CHD9: variants seen among roughly 807,000 people sequenced by gnomAD.
CHD9 encodes the protein chromodomain helicase DNA binding protein 9.
A neutral mutation model predicts 316.1 loss-of-function variants in CHD9; 77 were observed. That is an observed-to-expected ratio of 0.24 (90% CI 0.20 to 0.29). The LOEUF is 0.29. Ranked by LOEUF, CHD9 falls within the 10% of genes least tolerant of loss-of-function variation. The probability of loss-of-function intolerance (pLI) is 1.00; values close to 1 mark genes in which losing one functional copy is unlikely to be tolerated. For missense variants in CHD9, 2,763 were observed against 3,438.1 expected, an observed-to-expected ratio of 0.80 and a Z score of 4.91; for synonymous variants, 1,129 against 1,158.3, an observed-to-expected ratio of 0.97 and a Z score of 0.51.
intron 1 of CHD9, among the ~76,000 whole-genome samples, chr16:53,110,411 A>T (rs140674095): frequency 7.8e-4 from 119 of 152,312 alleles, no homozygotes; most frequent in African/African-American, 2.8e-3. Flanking sequence ...AGCCTGGGCA[A>T]CATAGTGAGA....
chr16:53,315,129 T>G, intron 36 of CHD9, 85 bp downstream of exon 36: 1 of 932,184 alleles, frequency 1.1e-6, no homozygotes, highest in Non-Finnish European at 1.6e-6. Context: ...TCTCATCCAC[T>G]TATGCTAAAT....
chr16:53,201,550 T>C (rs2045456702), intron 2 of CHD9, among the ~76,000 whole-genome samples: 1 of 152,328 alleles, frequency 6.6e-6, no homozygotes, highest in Admixed American at 6.5e-5. Context: ...TTGCTTATCA[T>C]TCTCCCACAG....
chr16:53,319,457 C>T (rs1007312932), intron 37 of CHD9, among the ~76,000 whole-genome samples: 16 of 151,876 alleles, frequency 1.1e-4, no homozygotes, highest in African/African-American at 3.1e-4. Flanking sequence ...TTAATTTTTC[C>T]CACAATTTTG....
chr16:53,188,646 G>C (rs116348789), intron 2 of CHD9, among the ~76,000 whole-genome samples: 3 of 131,148 alleles, frequency 2.3e-5, no homozygotes, highest in Admixed American at 8.7e-5. Flanking sequence ...GGAAGCTGGC[G>C]TGCAGTGGTA....
intron 2 of CHD9, among the ~76,000 whole-genome samples, chr16:53,164,106 A>G (rs1320973475): frequency 6.6e-6 from 1 of 152,218 alleles, no homozygotes; most frequent in Non-Finnish European, 1.5e-5. Flanking sequence ...ATACATTGTA[A>G]TATTTAACAA....
rs758182260 is a variant in CHD9 at position 53,156,984 on chromosome 16, A to G, written c.895A>G (p.Asn299Asp). The change falls in exon 2 of 39, where the codon AAT becomes GAT. Residue 299 changes from asparagine (N) to aspartate (D), a missense_variant. Coordinates refer to ENST00000447540, the MANE Select transcript of CHD9 (RefSeq NM_001308319.2). Reference sequence around the variant, plus strand: ...TGCAGTTCTTGCATCTAATCATACAAATCAGACTTTATCTGATTTTACTGG... The same window carrying G: ...TGCAGTTCTTGCATCTAATCATACAGATCAGACTTTATCTGATTTTACTGG... The part of the protein sequence containing the change: ...SSAVLASNHT[N>D]QTLSDFTGSN... 4.0e-5 allele frequency: 64 copies of G among 1,612,770 alleles called. No homozygotes were observed. The highest frequency in any genetic ancestry group is 4.8e-5 in the Non-Finnish European group (57 of 1,179,388).
intron 1 of CHD9, among the ~76,000 whole-genome samples, chr16:53,145,541 T>C (rs1160532691): frequency 6.6e-6 from 1 of 151,742 alleles, no homozygotes; most frequent in Non-Finnish European, 1.5e-5. Flanking sequence ...ACCCTGTCTC[T>C]ACTAAAAATA....
chr16:53,159,923 G>A (rs1046817155), intron 2 of CHD9, among the ~76,000 whole-genome samples: 3 of 152,130 alleles, frequency 2.0e-5, no homozygotes, highest in African/African-American at 4.8e-5. Context: ...GGCCACTTTA[G>A]TTCTATTTCA....
At chr16:53,314,538 A>C in intron 35 of CHD9, 22 bp downstream of exon 35, 2 of 1,521,634 alleles carry the variant, frequency 1.3e-6, no homozygotes, top group Non-Finnish European at 1.8e-6. Flanking sequence ...AGTACTTAAA[A>C]ACTGATCCTT....
At chr16:53,088,776 T>TA (rs1245922800) in intron 1 of CHD9, among the ~76,000 whole-genome samples, 4 of 151,952 alleles carry the variant, frequency 2.6e-5, no homozygotes, top group Non-Finnish European at 5.9e-5. Flanking sequence ...GGCCAGGAGT[T>TA]AGAGACCAGC....
intron 1 of CHD9, among the ~76,000 whole-genome samples, chr16:53,110,157 G>C (rs1178977316): frequency 6.6e-6 from 1 of 152,146 alleles, no homozygotes; most frequent in East Asian, 1.9e-4. Context: ...GGTCCCGGTA[G>C]GCATTTGAGT....
intron 2 of CHD9, among the ~76,000 whole-genome samples, chr16:53,197,544 C>T (rs2045033742): frequency 6.6e-6 from 1 of 151,490 alleles, no homozygotes; most frequent in East Asian, 1.9e-4. Context: ...AACCTTATTG[C>T]ATGTTCTTGA....
chr16:53,073,700 G>A (rs1449196685), intron 1 of CHD9, among the ~76,000 whole-genome samples: 1 of 152,182 alleles, frequency 6.6e-6, no homozygotes, highest in African/African-American at 2.4e-5. Flanking sequence ...TTTATCAGGG[G>A]TTTTTGCTTT....
intron 30 of CHD9, chr16:53,299,049 G>C (rs1174393168): frequency 4.3e-4 from 79 of 183,038 alleles, no homozygotes; most frequent in Non-Finnish European, 1.2e-5. Flanking sequence ...TCAGCACCTG[G>C]AACCAGGTGG....
At chr16:53,281,626 C>A (rs1319502928) in intron 24 of CHD9, among the ~76,000 whole-genome samples, 2 of 152,170 alleles carry the variant, frequency 1.3e-5, no homozygotes, top group Non-Finnish European at 2.9e-5. Context: ...AATTCAAATT[C>A]CATATGACCT....
intron 22 of CHD9, among the ~76,000 whole-genome samples, chr16:53,271,676 A>G (rs144618933): frequency 0.017 from 2,613 of 152,268 alleles, 137 homozygotes; most frequent in Admixed American, 0.11. Context: ...TATCATTAAT[A>G]TCTTCAAAGA....
chr16:53,213,076 A>G lies in CHD9; in HGVS notation c.1784+3263A>G, dbSNP rs191116891. 4.7e-4 allele frequency among the ~76,000 whole-genome samples: 71 copies of G among 152,350 alleles called. 1 individual carries two copies. Among genetic ancestry groups the G allele is most frequent in the Admixed American group, 3.9e-3 (59 of 15,310 alleles). On this transcript the variant is annotated intron_variant, in intron 3 of 38. Transcript: ENST00000447540. ...CATTAAGGCTCTGTTCCTAAATAAG[A>G]TCAGCTTAAAAATTAAGCAGGAAAA...
intron 1 of CHD9, among the ~76,000 whole-genome samples, chr16:53,097,376 C>CTTCT (rs2036470504): frequency 1.3e-5 from 2 of 149,444 alleles, no homozygotes; most frequent in Non-Finnish European, 3.0e-5. Context: ...TCCTTCCTTC[C>CTTCT]TTCCTTCCTT....
intron 18 of CHD9, 84 bp downstream of exon 18, chr16:53,254,689 G>A (rs1323069996): frequency 1.4e-5 from 18 of 1,309,992 alleles, no homozygotes; most frequent in Non-Finnish European, 1.9e-5. Flanking sequence ...TTTAGTTTTG[G>A]TCCATGCAGA....
Sources: gnomAD v4.1 joint callset for allele counts (sites outside exome capture counted in the v4.1 genomes callset) on GRCh38, gnomAD v4.1.1 for gene constraint, MANE v1.5 for transcripts, NCBI Gene and HGNC (gene_info 2026-07-23, HGNC 2026-07-21) for gene names.